Variants in PARD3B observed in about 807,000 individuals in gnomAD.
PARD3B encodes par-3 family cell polarity regulator beta, also known as partitioning defective 3 homolog B.
PARD3B carries 103 observed loss-of-function variants against 130.2 expected under a neutral mutation model. That is an observed-to-expected ratio of 0.79 (90% confidence interval 0.67 to 0.93). The LOEUF (loss-of-function observed/expected upper bound fraction) is 0.93, where lower values mean the gene tolerates loss of function less well. Ranked by LOEUF, PARD3B falls within the 40% of genes least tolerant of loss-of-function variation. The probability of loss-of-function intolerance (pLI) is 0.00; values close to 1 mark genes in which losing one functional copy is unlikely to be tolerated. For synonymous variants in PARD3B, 583 were observed against 553.2 expected (o/e 1.05, Z -0.76); for missense variants, 1,609 against 1,499.2 (o/e 1.07, Z -1.21).
Position 204,711,241 on chromosome 2 carries a change from C to T in PARD3B, c.222+24959C>T, listed in dbSNP as rs930978572. Among the ~76,000 whole-genome samples the T allele has an allele frequency of 2.0e-5, 3 of 152,052 alleles. No individual in the cohort carries two copies. The East Asian group carries it at 5.8e-4, about 29-fold the overall frequency. On this transcript the variant is annotated intron_variant, in intron 2 of 22. Transcript: ENST00000406610. Reference sequence around the variant, plus strand: ...AAGACCTTTGATTTTCCTCTTCTCCCCATATTTCTAGAATACTGACACTGC... The same window carrying T: ...AAGACCTTTGATTTTCCTCTTCTCCTCATATTTCTAGAATACTGACACTGC...
In PARD3B at chr2:205,421,335, A is replaced by G. The variant is rs2046966001; in HGVS notation, c.2742-19035A>G. Among the ~76,000 whole-genome samples, 2 of 152,198 alleles carry G rather than the reference A, an allele frequency of 1.3e-5. No individual in the cohort carries two copies. The highest frequency in any genetic ancestry group is 2.9e-5 in the Non-Finnish European group (2 of 68,020). On this transcript the variant is annotated intron_variant, in intron 19 of 22. Transcript: ENST00000406610. The surrounding 1 kb of genome is among the most constrained non-coding windows in gnomAD (Gnocchi z 5.1). ...GTGTGGTGCTGTGCCTACACAATGC[A>G]GGCACATTGCAATGTCTCCAATATA...
chr2:205,017,514 G>A (rs1696238862), intron 3 of PARD3B, among the ~76,000 whole-genome samples: 1 of 151,900 alleles, frequency 6.6e-6, no homozygotes, highest in African/African-American at 2.4e-5. Flanking sequence ...CAAATTCTGA[G>A]GTCATCGTAT....
At chr2:204,616,043 C>G (rs2034098921) in intron 1 of PARD3B, among the ~76,000 whole-genome samples, 1 of 152,080 alleles carries the variant, frequency 6.6e-6, no homozygotes, top group Non-Finnish European at 1.5e-5. Flanking sequence ...AGGAGAAAAC[C>G]TAGATGACCT....
chr2:204,592,506 C>T (rs1401310528), intron 1 of PARD3B, among the ~76,000 whole-genome samples: 1 of 152,060 alleles, frequency 6.6e-6, no homozygotes, highest in Non-Finnish European at 1.5e-5. Flanking sequence ...GCAGCTATAC[C>T]ACTTTGTAAA....
chr2:204,788,348 A>T (rs894778250), intron 2 of PARD3B, among the ~76,000 whole-genome samples: 1 of 152,234 alleles, frequency 6.6e-6, no homozygotes, highest in Non-Finnish European at 1.5e-5. Flanking sequence ...GGGATTGTCT[A>T]GTTCCTTTGC....
At chr2:205,316,220 A>T (rs1361603744) in intron 18 of PARD3B, among the ~76,000 whole-genome samples, 1 of 151,450 alleles carries the variant, frequency 6.6e-6, no homozygotes, top group Non-Finnish European at 1.5e-5. Context: ...GGAGTTAATT[A>T]TTTTTTTTTA....
At chr2:205,247,114 A>G (rs966910357) in intron 16 of PARD3B, among the ~76,000 whole-genome samples, 4 of 152,158 alleles carry the variant, frequency 2.6e-5, no homozygotes, top group African/African-American at 9.7e-5. Flanking sequence ...TTTTCTTAGT[A>G]CTGGGATAGG....
Position 205,091,899 on chromosome 2 carries a change from C to G in PARD3B, c.505-12527C>G, listed in dbSNP as rs992134012. ...GCTTAGCACTGGAGCAAAGGGGACC[C>G]TCAATAAGGACTTGTGAACTGAATG... is the stretch of plus-strand genomic sequence containing the variant. On this transcript the variant is annotated intron_variant, in intron 4 of 22. Coordinates refer to ENST00000406610, the MANE Select transcript of PARD3B (RefSeq NM_001302769.2). The surrounding 1 kb of genome is among the most constrained non-coding windows in gnomAD (Gnocchi z 4.2). Among the ~76,000 whole-genome samples the G allele has an allele frequency of 3.9e-5, 6 of 152,058 alleles. No individual in the cohort carries two copies. The highest frequency in any genetic ancestry group is 7.4e-5 in the Non-Finnish European group (5 of 68,012).
At chr2:205,302,225 C>T (rs1409040364) in intron 18 of PARD3B, among the ~76,000 whole-genome samples, 5 of 151,816 alleles carry the variant, frequency 3.3e-5, no homozygotes, top group African/African-American at 9.7e-5. Flanking sequence ...TGCACCACAA[C>T]GCCCAGCTCA....
At chr2:205,496,032 A>G (rs2106330911) in intron 20 of PARD3B, among the ~76,000 whole-genome samples, 1 of 152,242 alleles carries the variant, frequency 6.6e-6, no homozygotes, top group East Asian at 1.9e-4. Context: ...AGAATGCTCT[A>G]ATTGATTCGT....
intron 2 of PARD3B, among the ~76,000 whole-genome samples, chr2:204,721,074 G>A (rs1221335848): frequency 6.6e-6 from 1 of 152,166 alleles, no homozygotes; most frequent in Non-Finnish European, 1.5e-5. Context: ...TTAGTCATGA[G>A]ATCTCACCTC....
At chr2:205,127,972 G>A (rs1422506585) in intron 10 of PARD3B, among the ~76,000 whole-genome samples, 1 of 152,132 alleles carries the variant, frequency 6.6e-6, no homozygotes, top group African/African-American at 2.4e-5. Context: ...GGGTCAAAGT[G>A]AAAAGAAACA....
In PARD3B at chr2:205,505,239, G is replaced by A. The variant is rs1263456816; in HGVS notation, c.3180+5208G>A. Among the ~76,000 whole-genome samples the A allele has an allele frequency of 2.6e-5, 4 of 151,874 alleles. 1 individual carries two copies. Among genetic ancestry groups the A allele is most frequent in the African/African-American group, 9.7e-5 (4 of 41,396 alleles). On this transcript the variant is annotated intron_variant, in intron 21 of 22. Coordinates refer to ENST00000406610, the MANE Select transcript of PARD3B (RefSeq NM_001302769.2). ...GGAACATGACACACTGGGGCCTGTT[G>A]TGGGGTGGGGGGAGTGGGGAGGGAT...
At position 205,572,552 on chromosome 2, in the gene PARD3B, C is replaced by G. The variant is rs1281708175; in HGVS notation, c.3260+19149C>G. Among the ~76,000 whole-genome samples, 1 of 152,098 alleles carries G rather than the reference C, an allele frequency of 6.6e-6. No homozygotes were observed. The highest frequency in any genetic ancestry group is 2.4e-5 in the African/African-American group (1 of 41,404). The stretch of plus-strand genomic sequence containing the variant: ...CTGAGCTCAGGAGTTTGAGACCACC[C>G]CAAACAACATGGTGAAACCTCATCT... On this transcript the variant is annotated intron_variant, in intron 22 of 22. Transcript: ENST00000406610. This position sits in a 1 kb window ranked among gnomAD's most constrained non-coding sequence, Gnocchi z 4.2.
intron 3 of PARD3B, among the ~76,000 whole-genome samples, chr2:205,016,124 G>A (rs559539211): frequency 1.1e-4 from 16 of 152,238 alleles, no homozygotes; most frequent in African/African-American, 3.6e-4. Context: ...TCTGCAATCT[G>A]TTTTCCACAA....
rs1559637120 is a variant in PARD3B at position 205,300,690 on chromosome 2, AG to A, written c.2347del (p.Ala783GlnfsTer13). ...RGRGCNESFR[A>X]AIDKSYDGPE... ...GCCGAGGCTGCAATGAGAGCTTTAG[AG>A]CAGCCATTGACAAATCCTACGATGG... On this transcript the variant is annotated frameshift_variant, in exon 17 of 23. Transcript: ENST00000406610. LOFTEE classifies it high-confidence loss of function. This position sits in a 1 kb window ranked among gnomAD's most constrained non-coding sequence, Gnocchi z 4.1. 1 of 1,613,958 alleles carries A rather than the reference AG, an allele frequency of 6.2e-7. No individual in the cohort carries two copies. Among genetic ancestry groups the A allele is most frequent in the Admixed American group, 1.7e-5 (1 of 60,030 alleles).
At chr2:204,752,017 T>C (rs1343586150) in intron 2 of PARD3B, among the ~76,000 whole-genome samples, 2 of 152,176 alleles carry the variant, frequency 1.3e-5, no homozygotes, top group East Asian at 3.8e-4. Context: ...TCTTACTAGA[T>C]ATTTGCTTCA....
At chr2:205,465,762 A>G (rs988660820) in intron 20 of PARD3B, among the ~76,000 whole-genome samples, 28 of 152,190 alleles carry the variant, frequency 1.8e-4, no homozygotes, top group African/African-American at 6.8e-4. Flanking sequence ...AACCTGCCCC[A>G]TTGAAGGAAT....
At chr2:205,050,427 T>C (rs1699111310) in intron 4 of PARD3B, among the ~76,000 whole-genome samples, 1 of 151,662 alleles carries the variant, frequency 6.6e-6, no homozygotes, top group South Asian at 2.1e-4. Flanking sequence ...TTATAACTGT[T>C]AATATATCCT....
Sources: allele counts gnomAD v4.1 joint callset (sites outside exome capture counted in the v4.1 genomes callset), GRCh38; gene constraint gnomAD v4.1.1; non-coding constraint Gnocchi (gnomAD v3.1); transcripts MANE v1.5; gene names NCBI Gene and HGNC (gene_info 2026-07-23, HGNC 2026-07-21).